Variants in VPS13B observed in about 807,000 individuals in gnomAD.
VPS13B encodes the protein vacuolar protein sorting 13 homolog B.
VPS13B carries 285 observed loss-of-function variants against 426.4 expected under a neutral mutation model. The observed-to-expected ratio is 0.67, with a 90% CI of 0.61 to 0.74. The LOEUF (loss-of-function observed/expected upper bound fraction) is 0.74. VPS13B is among the 30% of genes least tolerant of loss of function. The pLI is 0.00. For missense variants in VPS13B, 4,537 were observed against 4,782.6 expected, an observed-to-expected ratio of 0.95 and a Z score of 1.51; for synonymous variants, 1,676 against 1,676.4, an observed-to-expected ratio of 1.00 and a Z score of 0.01.
Position 99,577,513 on chromosome 8 carries a change from C to T in VPS13B, c.5100C>T (p.Ser1700=), listed in dbSNP as rs1479141371. The T allele has an allele frequency of 6.2e-7, 1 of 1,613,756 alleles. No individual in the cohort carries two copies. Among genetic ancestry groups the T allele is most frequent in the South Asian group, 1.1e-5 (1 of 91,068 alleles). Residue 1700 remains serine (S), a synonymous_variant, in exon 33 of 62, where the codon TCC becomes TCT. Coordinates refer to ENST00000357162, the MANE Select transcript of VPS13B (RefSeq NM_152564.5). The part of the protein sequence containing the change: ...HTEEILVCGH[S]LEVNITTNLD... ...AGGAGATTTTAGTGTGTGGCCATTC[C>T]TTAGAAGTGAATATAACCACAAACC...
chr8:99,582,004 C>G (rs1826086913), intron 33 of VPS13B, among the ~76,000 whole-genome samples: 1 of 151,784 alleles, frequency 6.6e-6, no homozygotes, highest in Non-Finnish European at 1.5e-5. Flanking sequence ...TGAGAGTCAA[C>G]CTTTTGGATA....
chr8:99,864,089 C>A (rs907959640), intron 58 of VPS13B, among the ~76,000 whole-genome samples: 4 of 152,158 alleles, frequency 2.6e-5, no homozygotes, highest in Non-Finnish European at 5.9e-5. Flanking sequence ...CCTAGAACTA[C>A]CAGGTGTGTG....
intron 19 of VPS13B, among the ~76,000 whole-genome samples, chr8:99,375,949 A>G (rs1159618574): frequency 6.6e-6 from 1 of 152,200 alleles, no homozygotes; most frequent in African/African-American, 2.4e-5. Context: ...GCAAGCTTCT[A>G]TAGCTGCCAA....
chr8:99,853,911 G>A lies in VPS13B; in HGVS notation c.10522G>A (p.Val3508Met), dbSNP rs142957181. Residue 3508 changes from valine (V) to methionine (M), a missense_variant, in exon 56 of 62, where the codon GTG (valine) becomes ATG (methionine). Physicochemically the swap from Val to Met is conservative, Grantham distance 21 (BLOSUM62 1). This residue lies in a region of VPS13B where 4,311 missense variants were observed against 4,474.3 expected (regional missense o/e 0.96). Transcript: ENST00000357162. ...TGAATTAAAACCTGCTCGGTTATAC[G>A]TGGAAGACACATTTGTATACTACAT... ...SFELKPARLYVEDTFVYYIKT... is the reference protein window; with the variant it reads ...SFELKPARLYMEDTFVYYIKT... 6.8e-6 allele frequency: 11 copies of A among 1,614,086 alleles called. No homozygotes were observed. Among genetic ancestry groups the A allele is most frequent in the Middle Eastern group, 1.6e-4 (1 of 6,084 alleles).
At chr8:99,423,423 ATTTTTT>A (rs202230044) in intron 21 of VPS13B, among the ~76,000 whole-genome samples, 1 of 138,412 alleles carries the variant, frequency 7.2e-6, no homozygotes, top group Non-Finnish European at 1.6e-5. Flanking sequence ...CATCTAGCTA[ATTTTTT>A]TTTTTTTTTT....
intron 17 of VPS13B, among the ~76,000 whole-genome samples, chr8:99,216,585 G>T (rs572666215): frequency 6.6e-6 from 1 of 151,418 alleles, no homozygotes; most frequent in South Asian, 2.1e-4. Context: ...ATTAAAATTT[G>T]TATGACATTT....
At chr8:99,202,086 C>G (rs563227530) in intron 17 of VPS13B, among the ~76,000 whole-genome samples, 12 of 152,100 alleles carry the variant, frequency 7.9e-5, no homozygotes, top group Non-Finnish European at 1.8e-4. Context: ...GGAAGTTGTT[C>G]TAGGATATAA....
intron 43 of VPS13B, among the ~76,000 whole-genome samples, chr8:99,802,535 A>G (rs2130765378): frequency 6.6e-6 from 1 of 152,346 alleles, no homozygotes; most frequent in Middle Eastern, 3.4e-3. Flanking sequence ...CTGAGGAAGC[A>G]CACAAAACAC....
intron 19 of VPS13B, among the ~76,000 whole-genome samples, chr8:99,332,376 G>A (rs1051681705): frequency 6.6e-6 from 1 of 151,600 alleles, no homozygotes; most frequent in Admixed American, 6.6e-5. Context: ...AAGATTTATA[G>A]TTACTATATT....
At chr8:99,645,144 C>G (rs548472844) in intron 34 of VPS13B, among the ~76,000 whole-genome samples, 2 of 152,260 alleles carry the variant, frequency 1.3e-5, no homozygotes, top group South Asian at 4.2e-4. Flanking sequence ...CCACTTCAGA[C>G]CATGCAAAAG....
intron 21 of VPS13B, among the ~76,000 whole-genome samples, chr8:99,413,423 A>T (rs994874708): frequency 6.6e-6 from 1 of 150,804 alleles, no homozygotes; most frequent in Non-Finnish European, 1.5e-5. Flanking sequence ...ATCATTTTTT[A>T]TTGTGTCTAT....
At chr8:99,082,480 G>C (rs1448397009) in intron 3 of VPS13B, among the ~76,000 whole-genome samples, 2 of 152,130 alleles carry the variant, frequency 1.3e-5, no homozygotes, top group Non-Finnish European at 2.9e-5. Flanking sequence ...CATCCCATTT[G>C]TCCATTTTGG....
chr8:99,639,985 GTAATAATAATAATAATAATAATAA>G (rs58877812), intron 33 of VPS13B, among the ~76,000 whole-genome samples: 1,515 of 80,578 alleles, frequency 0.019, 25 homozygotes, highest in Middle Eastern at 0.029. Flanking sequence ...TTTAAAAATA[GTAATAATAATAATAATAATAATAA>G]TAATAATAAT....
intron 30 of VPS13B, among the ~76,000 whole-genome samples, chr8:99,552,419 C>G (rs1824325583): frequency 6.6e-6 from 1 of 151,950 alleles, no homozygotes; most frequent in Admixed American, 6.6e-5. Flanking sequence ...CTTTACATGT[C>G]ATCTGGCAGC....
intron 25 of VPS13B, among the ~76,000 whole-genome samples, chr8:99,494,379 T>A (rs1563760358): frequency 6.6e-6 from 1 of 152,192 alleles, no homozygotes; most frequent in Non-Finnish European, 1.5e-5. Flanking sequence ...TAATTTTTTT[T>A]AAAGATATTT....
chr8:99,154,794 G>A (rs1811270283), intron 14 of VPS13B, among the ~76,000 whole-genome samples: 2 of 152,072 alleles, frequency 1.3e-5, no homozygotes, highest in Non-Finnish European at 2.9e-5. Context: ...TGATGTACTT[G>A]TATTCTGTCT....
At chr8:99,233,457 C>T in intron 17 of VPS13B, 4 of 1,347,748 alleles carry the variant, frequency 3.0e-6, no homozygotes, top group Admixed American at 1.7e-5. Flanking sequence ...TGATGGTACC[C>T]ACAGCCTGGG....
intron 43 of VPS13B, among the ~76,000 whole-genome samples, chr8:99,805,242 C>CAA (rs60211650): frequency 1.3e-4 from 18 of 133,840 alleles, no homozygotes; most frequent in African/African-American, 4.7e-4. Context: ...CTATAAAATG[C>CAA]AAAAAAAAAA....
At chr8:99,229,154 G>A (rs1816181695) in intron 17 of VPS13B, among the ~76,000 whole-genome samples, 3 of 152,096 alleles carry the variant, frequency 2.0e-5, no homozygotes, top group Non-Finnish European at 4.4e-5. Context: ...AAAAAGGGTC[G>A]GGAACAAGAT....
Sources: gnomAD v4.1 joint callset for allele counts (sites outside exome capture counted in the v4.1 genomes callset) on GRCh38, gnomAD v4.1.1 for gene constraint, gnomAD v4.1.1 regional missense constraint, MANE v1.5 for transcripts, NCBI Gene and HGNC (gene_info 2026-07-23, HGNC 2026-07-21) for gene names.